MAGI2: variants seen among roughly 807,000 people sequenced by gnomAD.
MAGI2 encodes membrane-associated guanylate kinase, WW and PDZ domain-containing protein 2.
MAGI2 carries 35 observed loss-of-function variants against 133.3 expected under a neutral mutation model. The observed-to-expected ratio is 0.26, with a 90% CI of 0.20 to 0.35. The LOEUF is 0.35. MAGI2 is among the 10% of genes least tolerant of loss of function. The pLI is 1.00. For synonymous variants in MAGI2, 729 were observed against 710.6 expected (o/e 1.03, Z -0.41); for missense variants, 1,636 against 1,863.4 (o/e 0.88, Z 2.25).
chr7:78,222,709 A>G (rs1402477898), intron 10 of MAGI2, among the ~76,000 whole-genome samples: 1 of 152,232 alleles, frequency 6.6e-6, no homozygotes, highest in Non-Finnish European at 1.5e-5. Flanking sequence ...CACTTTATGT[A>G]GAGTCCAAGC....
chr7:79,235,046 C>CCCGG (rs1379078066), intron 1 of MAGI2, among the ~76,000 whole-genome samples: 1 of 151,654 alleles, frequency 6.6e-6, no homozygotes, highest in Non-Finnish European at 1.5e-5. Context: ...TGTTGGAATA[C>CCCGG]CCTGCCGTGT....
intron 1 of MAGI2, among the ~76,000 whole-genome samples, chr7:79,040,077 C>T (rs904513475): frequency 5.9e-5 from 9 of 151,906 alleles, no homozygotes; most frequent in African/African-American, 1.9e-4. Flanking sequence ...TTGTAATCTT[C>T]GCAATCCCTA....
At chr7:79,368,543 T>C (rs1337814184) in intron 1 of MAGI2, among the ~76,000 whole-genome samples, 2 of 152,164 alleles carry the variant, frequency 1.3e-5, no homozygotes, top group Non-Finnish European at 2.9e-5. Context: ...AGAGTACTAC[T>C]TGACTTTTAA....
chr7:78,526,519 C>T (rs1245649516), intron 3 of MAGI2, among the ~76,000 whole-genome samples: 1 of 152,078 alleles, frequency 6.6e-6, no homozygotes, highest in East Asian at 1.9e-4. Context: ...AAAATTGTCC[C>T]CTTAATTCTG....
At chr7:78,385,929 C>A (rs1301378976) in intron 6 of MAGI2, among the ~76,000 whole-genome samples, 1 of 152,128 alleles carries the variant, frequency 6.6e-6, no homozygotes, top group Non-Finnish European at 1.5e-5. Context: ...TGGTCTTTTG[C>A]TCAAAGAGGG....
chr7:78,463,099 A>G (rs1790235117), intron 6 of MAGI2, among the ~76,000 whole-genome samples: 1 of 152,192 alleles, frequency 6.6e-6, no homozygotes, highest in African/African-American at 2.4e-5. Context: ...AAGAAAAAGG[A>G]TGGTTCTTGA....
chr7:78,613,172 A>G (rs1369281345), intron 3 of MAGI2, among the ~76,000 whole-genome samples: 1 of 152,228 alleles, frequency 6.6e-6, no homozygotes, highest in Non-Finnish European at 1.5e-5. Context: ...GAATCAGGGT[A>G]CATTATATCA....
intron 2 of MAGI2, among the ~76,000 whole-genome samples, chr7:78,882,720 T>C (rs979274015): frequency 6.6e-6 from 1 of 152,130 alleles, no homozygotes; most frequent in Non-Finnish European, 1.5e-5. Context: ...AATCAATAAA[T>C]GTGATTCATC....
chr7:78,134,953 G>C, intron 17 of MAGI2, 68 bp downstream of exon 17: 1 of 1,431,238 alleles, frequency 7.0e-7, no homozygotes. Context: ...TGGCGGGCAG[G>C]CTGAGAACAC....
At chr7:78,121,746 T>C (rs141562074) in intron 20 of MAGI2, among the ~76,000 whole-genome samples, 27 of 152,288 alleles carry the variant, frequency 1.8e-4, no homozygotes, top group African/African-American at 6.5e-4. Context: ...AAGTCTTGCA[T>C]AGGTACAGCA....
intron 2 of MAGI2, among the ~76,000 whole-genome samples, chr7:78,748,091 A>C (rs1474706221): frequency 6.6e-6 from 1 of 152,080 alleles, no homozygotes; most frequent in African/African-American, 2.4e-5. Flanking sequence ...AGACCATACT[A>C]ATTACCACTT....
At chr7:78,946,414 G>T (rs1341278171) in intron 2 of MAGI2, among the ~76,000 whole-genome samples, 2 of 152,158 alleles carry the variant, frequency 1.3e-5, no homozygotes, top group African/African-American at 2.4e-5. Flanking sequence ...TTGGTATATT[G>T]CAAAGAAGAA....
chr7:79,342,537 T>C (rs912413468), intron 1 of MAGI2, among the ~76,000 whole-genome samples: 1 of 152,182 alleles, frequency 6.6e-6, no homozygotes, highest in Non-Finnish European at 1.5e-5. Context: ...TAAAAGGATA[T>C]AGCCAAGAAA....
intron 2 of MAGI2, among the ~76,000 whole-genome samples, chr7:78,754,289 T>C (rs1371616403): frequency 1.3e-5 from 2 of 151,910 alleles, no homozygotes; most frequent in South Asian, 4.2e-4. Context: ...GAGGATCACT[T>C]GCACCCAGGA....
At chr7:78,299,143 AT>A (rs1331873091) in intron 9 of MAGI2, among the ~76,000 whole-genome samples, 3 of 152,148 alleles carry the variant, frequency 2.0e-5, no homozygotes, top group South Asian at 2.1e-4. Flanking sequence ...TAAAAAGTTA[AT>A]TTTTAAAAAG....
intron 1 of MAGI2, among the ~76,000 whole-genome samples, chr7:79,160,766 T>C (rs1224622065): frequency 6.6e-6 from 1 of 152,020 alleles, no homozygotes; most frequent in Admixed American, 6.6e-5. Context: ...GATGAAGCAG[T>C]TAATATGCTT....
chr7:78,731,206 A>G (rs1821341177), intron 2 of MAGI2, among the ~76,000 whole-genome samples: 1 of 152,126 alleles, frequency 6.6e-6, no homozygotes, highest in South Asian at 2.1e-4. Flanking sequence ...ATTTATAGAG[A>G]ATGAATAATA....
intron 21 of MAGI2, among the ~76,000 whole-genome samples, chr7:78,056,152 G>A (rs1370902822): frequency 6.6e-6 from 1 of 152,078 alleles, no homozygotes; most frequent in East Asian, 1.9e-4. Context: ...GATGCCTCAT[G>A]TAAGTGGAAT....
chr7:79,060,602 A>G (rs1397267464), intron 1 of MAGI2, among the ~76,000 whole-genome samples: 1 of 152,094 alleles, frequency 6.6e-6, no homozygotes, highest in Non-Finnish European at 1.5e-5. Context: ...GAGGAAGCGT[A>G]AGTCAGGAGT....
Sources: allele counts gnomAD v4.1 joint callset (sites outside exome capture counted in the v4.1 genomes callset), GRCh38; gene constraint gnomAD v4.1.1; transcripts MANE v1.5; gene names NCBI Gene and HGNC (gene_info 2026-07-23, HGNC 2026-07-21).